The following TRIM2 variants were observed in gnomAD, a reference collection of about 807,000 sequenced individuals.
The protein encoded by TRIM2 is tripartite motif containing 2, also known as tripartite motif-containing protein 2.
In TRIM2, 20 loss-of-function variants were observed where a neutral mutation model predicts 75.2. That is an observed-to-expected ratio of 0.27 (90% CI 0.19 to 0.39). TRIM2 has a LOEUF of 0.39. Among genes scored for constraint, TRIM2 ranks in the 10% least tolerant of loss-of-function variants. TRIM2 has a pLI of 1.00. For synonymous variants in TRIM2, 373 were observed against 388.3 expected (o/e 0.96, Z 0.46); for missense variants, 660 against 990.8 (o/e 0.67, Z 4.48).
At chr4:153,162,708 G>A (rs1222325864) in intron 1 of TRIM2, among the ~76,000 whole-genome samples, 1 of 152,214 alleles carries the variant, frequency 6.6e-6, no homozygotes, top group Non-Finnish European at 1.5e-5. Context: ...TTTCTGAACT[G>A]TGGCAGAGCA....
intron 1 of TRIM2, among the ~76,000 whole-genome samples, chr4:153,237,870 A>G (rs1745449606): frequency 6.6e-6 from 1 of 152,154 alleles, no homozygotes; most frequent in Non-Finnish European, 1.5e-5. Context: ...AAAAAAACAG[A>G]AGATCCATTG....
At chr4:153,298,407 G>A (rs1016656130) in intron 6 of TRIM2, among the ~76,000 whole-genome samples, 10 of 152,166 alleles carry the variant, frequency 6.6e-5, no homozygotes, top group African/African-American at 2.4e-4. Context: ...TGTCCTTGCA[G>A]ATGGCCACCT....
chr4:153,219,379 C>T (rs1356327911), intron 1 of TRIM2, among the ~76,000 whole-genome samples: 1 of 152,268 alleles, frequency 6.6e-6, no homozygotes, highest in East Asian at 1.9e-4. Context: ...GTCCTGAGAA[C>T]TTTATCTGTG....
chr4:153,164,936 A>G (rs536278689), intron 1 of TRIM2, among the ~76,000 whole-genome samples: 85 of 151,830 alleles, frequency 5.6e-4, no homozygotes, highest in African/African-American at 2.0e-3. Flanking sequence ...TTTTATCCAG[A>G]GCTAATTATT....
At chr4:153,159,018 T>C (rs1344210304) in intron 1 of TRIM2, among the ~76,000 whole-genome samples, 2 of 152,220 alleles carry the variant, frequency 1.3e-5, no homozygotes, top group African/African-American at 4.8e-5. Flanking sequence ...AATTTTCTTA[T>C]CTGTAAATGA....
intron 1 of TRIM2, among the ~76,000 whole-genome samples, chr4:153,172,474 A>G (rs1730991266): frequency 6.6e-6 from 1 of 152,222 alleles, no homozygotes; most frequent in Non-Finnish European, 1.5e-5. Context: ...GGCATGAGCC[A>G]CTACACCCAG....
intron 1 of TRIM2, among the ~76,000 whole-genome samples, chr4:153,161,705 T>G (rs912371875): frequency 6.6e-6 from 1 of 152,222 alleles, no homozygotes; most frequent in African/African-American, 2.4e-5. Context: ...ACAGGCCAAC[T>G]GCTACAAGGC....
intron 1 of TRIM2, among the ~76,000 whole-genome samples, chr4:153,249,210 A>C (rs1029652989): frequency 1.3e-5 from 2 of 152,258 alleles, no homozygotes; most frequent in Non-Finnish European, 2.9e-5. Flanking sequence ...GGGGAAAGAC[A>C]GAGGTTCGGA....
At chr4:153,171,861 T>A in intron 1 of TRIM2, among the ~76,000 whole-genome samples, 1 of 149,630 alleles carries the variant, frequency 6.7e-6, no homozygotes, top group Non-Finnish European at 1.5e-5. Context: ...TTTTCGCTAA[T>A]GTATTTTAAA....
intron 1 of TRIM2, among the ~76,000 whole-genome samples, chr4:153,164,667 G>A (rs1387418555): frequency 1.3e-5 from 2 of 152,102 alleles, no homozygotes; most frequent in African/African-American, 4.8e-5. Flanking sequence ...TTCCTGAAAT[G>A]TCCTTGGATA....
At chr4:153,301,185 T>C (rs1763840630) in intron 6 of TRIM2, among the ~76,000 whole-genome samples, 6 of 148,622 alleles carry the variant, frequency 4.0e-5, no homozygotes, top group Admixed American at 4.0e-4. Context: ...AGCGAGACTC[T>C]ATCTCAAAAA....
rs537788661 is a variant in TRIM2, at chr4:153,336,870, C to A, written c.*1904C>A. 2.0e-6 allele frequency: 2 copies of A among 984,982 alleles called. No homozygotes were observed. The highest frequency in any genetic ancestry group is 2.4e-6 in the Non-Finnish European group (2 of 829,296). 61.0% of individuals were successfully genotyped at this position (984,982 alleles called of 1,614,324 possible). On this transcript the variant is annotated 3_prime_UTR_variant, in exon 12 of 12. Transcript: ENST00000338700. ...GGTAGAGTTTTAAAAAATACTTGAG[C>A]CTGTCCGTGATAAAGCTATAAAATT...
chr4:153,210,168 G>A (rs562814493), intron 1 of TRIM2, among the ~76,000 whole-genome samples: 31 of 149,904 alleles, frequency 2.1e-4, no homozygotes, highest in African/African-American at 6.9e-4. Flanking sequence ...AGGTTCAAGC[G>A]ATTCTTCTGC....
chr4:153,182,080 G>A (rs1560791454), intron 1 of TRIM2, among the ~76,000 whole-genome samples: 1 of 152,162 alleles, frequency 6.6e-6, no homozygotes, highest in South Asian at 2.1e-4. Context: ...GAGTGCCCAA[G>A]CAGCCCATTT....
At position 153,338,896 on chromosome 4, in the gene TRIM2, T is replaced by C; in HGVS notation, c.*3930T>C. The C allele has an allele frequency of 1.0e-6, 1 of 985,732 alleles. No homozygotes were observed. Among genetic ancestry groups the C allele is most frequent in the South Asian group, 4.7e-5 (1 of 21,282 alleles). 61.1% of individuals were successfully genotyped at this position (985,732 alleles called of 1,614,324 possible). ...AATGGAGTGTATTCTTGTAATAGAA[T>C]TCTTTATATCGTTCTCAATTCTATA... On this transcript the variant is annotated 3_prime_UTR_variant, in exon 12 of 12. Transcript: ENST00000338700.
At chr4:153,221,835 G>A (rs1366488132) in intron 1 of TRIM2, among the ~76,000 whole-genome samples, 3 of 113,700 alleles carry the variant, frequency 2.6e-5, no homozygotes, top group African/African-American at 1.0e-4. Flanking sequence ...AATGAAGGAA[G>A]GAAGGAAAGC....
chr4:153,263,441 T>C (rs1754092168), intron 1 of TRIM2, among the ~76,000 whole-genome samples: 1 of 152,248 alleles, frequency 6.6e-6, no homozygotes, highest in South Asian at 2.1e-4. Context: ...ATTCAGCAAG[T>C]GCTGCTCTTT....
At chr4:153,192,217 C>T (rs1400708094) in intron 1 of TRIM2, among the ~76,000 whole-genome samples, 1 of 152,216 alleles carries the variant, frequency 6.6e-6, no homozygotes, top group Non-Finnish European at 1.5e-5. Flanking sequence ...TCCACTATAA[C>T]CAGCATTGTA....
At chr4:153,309,157 T>C (rs1328151610) in intron 6 of TRIM2, among the ~76,000 whole-genome samples, 1 of 152,218 alleles carries the variant, frequency 6.6e-6, no homozygotes, top group African/African-American at 2.4e-5. Flanking sequence ...TGGGGTTTTC[T>C]AAAGGATTTT....
Sources: allele counts gnomAD v4.1 joint callset (sites outside exome capture counted in the v4.1 genomes callset), GRCh38; gene constraint gnomAD v4.1.1; transcripts MANE v1.5; gene names NCBI Gene and HGNC (gene_info 2026-07-23, HGNC 2026-07-21).